Variants in ADRA1D observed in about 807,000 individuals in gnomAD.
ADRA1D encodes the protein alpha-1D adrenergic receptor.
In ADRA1D, 22 loss-of-function variants were observed where a neutral mutation model predicts 18.6. The observed-to-expected ratio is 1.19, with a 90% CI of 0.85 to 1.69. The LOEUF (loss-of-function observed/expected upper bound fraction) is 1.69, where lower values mean the gene tolerates loss of function less well. ADRA1D is among the 40% of genes most tolerant of loss of function. The probability of loss-of-function intolerance (pLI) is 0.00; values close to 1 mark genes in which losing one functional copy is unlikely to be tolerated. For missense variants in ADRA1D, 840 were observed against 840.7 expected (o/e 1.00, Z 0.01); for synonymous variants, 376 against 388.2 (o/e 0.97, Z 0.37).
chr20:4,227,705 T>TCCCTCCCCCCCTC (rs745707360), intron 1 of ADRA1D, among the ~76,000 whole-genome samples: 1 of 24,460 alleles, frequency 4.1e-5, no homozygotes, highest in African/African-American at 1.2e-4. Context: ...CCTCCCTCCC[T>TCCCTCCCCCCCTC]CCTTCCTTCC....
rs1205318832 is a variant in ADRA1D at position 4,248,027 on chromosome 20, C to T, written c.931G>A (p.Ala311Thr). 8 of 1,553,388 alleles carry T rather than the reference C, an allele frequency of 5.2e-6. No homozygotes were observed. In the East Asian group the frequency reaches 9.7e-5, roughly 19 times the overall value. ...EVVLRIHCRGAATGADGAHGM... is the reference protein window; with the variant it reads ...EVVLRIHCRGTATGADGAHGM... ...TGCGCCCCGTCGGCGCCCGTGGCCG[C>T]GCCGCGACAGTGGATGCGCAGCACC... is the stretch of plus-strand genomic sequence containing the variant. Residue 311 changes from alanine (A) to threonine (T), a missense_variant, in exon 1 of 2, where the codon GCG becomes ACG. By Grantham distance (58) the Ala-to-Thr change is moderately conservative (BLOSUM62 0). Coordinates refer to ENST00000379453, the MANE Select transcript of ADRA1D (RefSeq NM_000678.4).
intron 1 of ADRA1D, among the ~76,000 whole-genome samples, chr20:4,228,252 CT>C (rs1322599133): frequency 6.6e-6 from 1 of 152,188 alleles, no homozygotes; most frequent in African/African-American, 2.4e-5. Flanking sequence ...AATTTAGTCG[CT>C]CCTTGAACAC....
chr20:4,234,191 G>A, intron 1 of ADRA1D, among the ~76,000 whole-genome samples: 1 of 152,244 alleles, frequency 6.6e-6, no homozygotes, highest in East Asian at 1.9e-4. Context: ...TAAGGAACAG[G>A]AATGGCCAGG....
chr20:4,222,230 T>C lies in ADRA1D; in HGVS notation c.1112-100A>G. ...AGACCCTTCAGTAGCCTTGGCTGAG[T>C]CATTGACTAGGAGTTCTCAAGGGAT... On this transcript the variant is annotated intron_variant, in intron 1 of 1. Coordinates refer to ENST00000379453, the MANE Select transcript of ADRA1D (RefSeq NM_000678.4). This position sits in a 1 kb window ranked among gnomAD's most constrained non-coding sequence, Gnocchi z 4.3. 1 of 1,485,066 alleles carries C rather than the reference T, an allele frequency of 6.7e-7. No individual in the cohort carries two copies. Among genetic ancestry groups the C allele is most frequent in the Middle Eastern group, 2.2e-4 (1 of 4,610 alleles). 92.0% of individuals were successfully genotyped at this position (1,485,066 alleles called of 1,614,324 possible).
chr20:4,229,748 C>T (rs1980910425), intron 1 of ADRA1D, among the ~76,000 whole-genome samples: 1 of 152,006 alleles, frequency 6.6e-6, no homozygotes, highest in South Asian at 2.1e-4. Flanking sequence ...TCTGAGACAC[C>T]ATCATCACTT....
At chr20:4,230,652 A>G (rs1980931139) in intron 1 of ADRA1D, among the ~76,000 whole-genome samples, 4 of 152,230 alleles carry the variant, frequency 2.6e-5, no homozygotes, top group Admixed American at 2.6e-4. Flanking sequence ...GAAAACTGTC[A>G]GTGGCTTCCT....
chr20:4,226,268 T>C (rs1339223301), intron 1 of ADRA1D, among the ~76,000 whole-genome samples: 1 of 152,244 alleles, frequency 6.6e-6, no homozygotes, highest in Non-Finnish European at 1.5e-5. Flanking sequence ...GGAGCTGTAA[T>C]ACAAACTCAG....
chr20:4,248,416 G>T lies in ADRA1D; in HGVS notation c.542C>A (p.Thr181Lys), dbSNP rs1284801905. The T allele has an allele frequency of 3.1e-6, 5 of 1,610,082 alleles. No individual in the cohort carries two copies. The highest frequency in any genetic ancestry group is 4.2e-6 in the Non-Finnish European group (5 of 1,178,460). Residue 181 changes from threonine to lysine, a missense_variant, in exon 1 of 2, where the codon ACG becomes AAG. Thr to Lys is a moderately conservative substitution (Grantham distance 78). Transcript: ENST00000379453. ...VWAAVDVLCC[T>K]ASILSLCTIS... ...GGTGCAGAGGCTGAGGATGGAGGCCGTGCAGCACAGCACGTCCACGGCGGC... is the reference window on the plus strand; with the variant it reads ...GGTGCAGAGGCTGAGGATGGAGGCCTTGCAGCACAGCACGTCCACGGCGGC...
In ADRA1D at chr20:4,248,572, G is replaced by A; in HGVS notation, c.386C>T (p.Thr129Ile). The change falls in exon 1 of 2, where the codon ACC (threonine) becomes ATC (isoleucine). Residue 129 changes from threonine to isoleucine, a missense_variant. Transcript: ENST00000379453. ...GTTCACGATGAAATAGTTGGTGACGGTCTGCAGGTGGCGGTTGCAGGCCAC... is the reference window on the plus strand; with the variant it reads ...GTTCACGATGAAATAGTTGGTGACGATCTGCAGGTGGCGGTTGCAGGCCAC... ...LSVACNRHLQTVTNYFIVNLA... is the reference protein window; with the variant it reads ...LSVACNRHLQIVTNYFIVNLA... 6.2e-7 allele frequency: 1 copy of A among 1,613,844 alleles called. No individual in the cohort carries two copies. The highest frequency in any genetic ancestry group is 8.5e-7 in the Non-Finnish European group (1 of 1,179,952).
At chr20:4,246,731 G>A (rs1981344601) in intron 1 of ADRA1D, among the ~76,000 whole-genome samples, 1 of 152,208 alleles carries the variant, frequency 6.6e-6, no homozygotes, top group South Asian at 2.1e-4. Context: ...CCTCTCATAG[G>A]TGATGATAGA....
Position 4,221,665 on chromosome 20 carries a change from G to A in ADRA1D, c.1577C>T (p.Ala526Val). Reference protein sequence around the residue: ...SLSHKIRAGGAQRAEAACAQR... With the variant: ...SLSHKIRAGGVQRAEAACAQR... ...GGCGCACGCTGCCTCTGCGCGCTGC[G>A]CGCCCCCGGCGCGGATCTTGTGCGA... Residue 526 changes from alanine to valine, a missense_variant, in exon 2 of 2, where the codon GCG (alanine) becomes GTG (valine). By Grantham distance (64) the Ala-to-Val change is moderately conservative (BLOSUM62 0). Coordinates refer to ENST00000379453, the MANE Select transcript of ADRA1D (RefSeq NM_000678.4). The A allele has an allele frequency of 1.2e-6, 2 of 1,612,650 alleles. No homozygotes were observed. The highest frequency in any genetic ancestry group is 1.7e-6 in the Non-Finnish European group (2 of 1,179,586).
At chr20:4,228,047 C>T (rs900270594) in intron 1 of ADRA1D, among the ~76,000 whole-genome samples, 1 of 152,174 alleles carries the variant, frequency 6.6e-6, no homozygotes, top group African/African-American at 2.4e-5. Flanking sequence ...AATCCATTAG[C>T]CACTGAGTGC....
chr20:4,221,643 G>A lies in ADRA1D; in HGVS notation c.1599C>T (p.Cys533=), dbSNP rs142980113. The A allele has an allele frequency of 1.6e-3, 2,627 of 1,612,892 alleles. 6 individuals carry two copies. The highest frequency in any genetic ancestry group is 2.0e-3 in the Non-Finnish European group (2,417 of 1,179,544). The change falls in exon 2 of 2, where the codon TGC becomes TGT. Residue 533 remains cysteine, a synonymous_variant. Coordinates refer to ENST00000379453, the MANE Select transcript of ADRA1D (RefSeq NM_000678.4). ...AGGAQRAEAA[C]AQRSEVEAVS... is the part of the protein sequence containing the mutation. ...CAGCCTCCACCTCTGAGCGCTGGGCGCACGCTGCCTCTGCGCGCTGCGCGC... is the reference window on the plus strand; with the variant it reads ...CAGCCTCCACCTCTGAGCGCTGGGCACACGCTGCCTCTGCGCGCTGCGCGC...
Position 4,248,006 on chromosome 20 carries a change from C to G in ADRA1D, c.952G>C (p.Ala318Pro). The G allele has an allele frequency of 6.4e-7, 1 of 1,559,668 alleles. No individual in the cohort carries two copies. Among genetic ancestry groups the G allele is most frequent in the East Asian group, 2.4e-5 (1 of 41,232 alleles). ...CCCTTGGCGCTGCGCATGCCGTGCG[C>G]CCCGTCGGCGCCCGTGGCCGCGCCG... The part of the protein sequence containing the change: ...CRGAATGADG[A>P]HGMRSAKGHT... The change falls in exon 1 of 2, where the codon GCG becomes CCG. Residue 318 changes from alanine to proline, a missense_variant. Transcript: ENST00000379453.
intron 1 of ADRA1D, among the ~76,000 whole-genome samples, chr20:4,223,524 G>C (rs1980722804): frequency 6.6e-6 from 1 of 152,130 alleles, no homozygotes; most frequent in African/African-American, 2.4e-5. Context: ...TTATTTCCCA[G>C]CTAGAATGTG....
chr20:4,242,202 G>A (rs1042858108), intron 1 of ADRA1D, among the ~76,000 whole-genome samples: 1 of 152,160 alleles, frequency 6.6e-6, no homozygotes, highest in Admixed American at 6.5e-5. Context: ...CTTATTTTGC[G>A]CAGTATAACA....
intron 1 of ADRA1D, among the ~76,000 whole-genome samples, chr20:4,237,266 G>T (rs1377395204): frequency 2.0e-5 from 3 of 152,084 alleles, no homozygotes; most frequent in Admixed American, 6.5e-5. Context: ...CCCCTAGCTA[G>T]ATGTGGTCTC....
intron 1 of ADRA1D, among the ~76,000 whole-genome samples, chr20:4,231,294 A>ATTATTATTATTT (rs1353697824): frequency 2.0e-5 from 3 of 148,900 alleles, no homozygotes; most frequent in African/African-American, 7.4e-5. Context: ...TATTATTATT[A>ATTATTATTATTT]TTTTTGTAAA....
At position 4,234,719 on chromosome 20, in the gene ADRA1D, C is replaced by T. The variant is rs189795154; in HGVS notation, c.1112-12589G>A. On this transcript the variant is annotated intron_variant, in intron 1 of 1. Coordinates refer to ENST00000379453, the MANE Select transcript of ADRA1D (RefSeq NM_000678.4). ...GACCTCTGCCCCTCACAGGCCTCTT[C>T]GCTACATTATAAAGGGTCAGCGAGC... 4.5e-4 allele frequency among the ~76,000 whole-genome samples: 68 copies of T among 152,294 alleles called. No homozygotes were observed. In the East Asian group the frequency reaches 7.2e-3, roughly 16 times the overall value.
Sources: gnomAD v4.1 joint callset for allele counts (sites outside exome capture counted in the v4.1 genomes callset) on GRCh38, gnomAD v4.1.1 for gene constraint, Gnocchi (gnomAD v3.1) non-coding constraint, MANE v1.5 for transcripts, NCBI Gene and HGNC (gene_info 2026-07-23, HGNC 2026-07-21) for gene names.